The following WWOX variants were observed in gnomAD, a reference collection of about 807,000 sequenced individuals.
WWOX encodes WW domain containing oxidoreductase.
A neutral mutation model predicts 46.2 loss-of-function variants in WWOX; 69 were observed. The ratio of observed to expected loss-of-function variants is 1.49; its 90% CI spans 1.23 to 1.82. The LOEUF (loss-of-function observed/expected upper bound fraction) is 1.82, where lower values mean the gene tolerates loss of function less well. WWOX is among the 40% of genes most tolerant of loss of function. The probability of loss-of-function intolerance (pLI) is 0.00; values close to 1 mark genes in which losing one functional copy is unlikely to be tolerated. For missense variants in WWOX, 919 were observed against 542.6 expected, an observed-to-expected ratio of 1.69 and a Z score of -6.89; for synonymous variants, 359 against 202.6, an observed-to-expected ratio of 1.77 and a Z score of -6.56.
rs146217579 is a variant in WWOX, at chr16:78,713,904, C to T, written c.1056+281152C>T. Among the ~76,000 whole-genome samples, 711 of 152,294 alleles carry T rather than the reference C, an allele frequency of 4.7e-3. 2 individuals carry two copies. The highest frequency in any genetic ancestry group is 6.8e-3 in the Middle Eastern group (2 of 294). On this transcript the variant is annotated intron_variant, in intron 8 of 8. Coordinates refer to ENST00000566780, the MANE Select transcript of WWOX (RefSeq NM_016373.4). ...ATGATTTGGGGTGATGGAACAGAAA[C>T]ACCCGAGGACTGTCGTTGGGGAACA...
At chr16:78,718,220 AAAC>A (rs932479977) in intron 8 of WWOX, among the ~76,000 whole-genome samples, 9 of 151,890 alleles carry the variant, frequency 5.9e-5, no homozygotes, top group African/African-American at 2.2e-4. Context: ...GCACATTTGT[AAAC>A]AATTATGTAG....
At chr16:78,997,507 T>C (rs76403357) in intron 8 of WWOX, among the ~76,000 whole-genome samples, 3,631 of 152,312 alleles carry the variant, frequency 0.024, 161 homozygotes, top group African/African-American at 0.084. Flanking sequence ...ATTTTATTTT[T>C]ACACTTTCAT....
chr16:78,762,390 G>C (rs1165825586), intron 8 of WWOX, among the ~76,000 whole-genome samples: 4 of 152,158 alleles, frequency 2.6e-5, no homozygotes, highest in Non-Finnish European at 5.9e-5. Flanking sequence ...AGAGTCTCTT[G>C]GTGACTCGTG....
At chr16:78,964,227 C>T (rs148122822) in intron 8 of WWOX, among the ~76,000 whole-genome samples, 347 of 152,194 alleles carry the variant, frequency 2.3e-3, no homozygotes, top group African/African-American at 8.0e-3. Context: ...GTTGGGAGGT[C>T]TCAGAAGAAG....
At chr16:78,284,715 C>T (rs988241875) in intron 5 of WWOX, among the ~76,000 whole-genome samples, 1 of 152,118 alleles carries the variant, frequency 6.6e-6, no homozygotes, top group Non-Finnish European at 1.5e-5. Context: ...TCTCTTTAAC[C>T]AAGTCCTTTG....
At chr16:78,404,896 C>G (rs886772093) in intron 6 of WWOX, among the ~76,000 whole-genome samples, 1 of 152,184 alleles carries the variant, frequency 6.6e-6, no homozygotes, top group African/African-American at 2.4e-5. Context: ...AACTGTAACA[C>G]CAAGGAATGA....
In WWOX at chr16:78,380,594, T is replaced by C. The variant is rs564824863; in HGVS notation, c.517-6266T>C. Among the ~76,000 whole-genome samples the C allele has an allele frequency of 3.3e-5, 5 of 152,254 alleles. No individual in the cohort carries two copies. In the East Asian group the frequency reaches 5.8e-4, roughly 18 times the overall value. ...ATTCAGCGGTGACCACCACATCTTATGCATTGTGATGATCACGATGATAAA... is the reference window on the plus strand; with the variant it reads ...ATTCAGCGGTGACCACCACATCTTACGCATTGTGATGATCACGATGATAAA... On this transcript the variant is annotated intron_variant, in intron 5 of 8. Coordinates refer to ENST00000566780, the MANE Select transcript of WWOX (RefSeq NM_016373.4).
intron 8 of WWOX, among the ~76,000 whole-genome samples, chr16:78,566,625 C>G (rs2044575419): frequency 6.6e-6 from 1 of 152,196 alleles, no homozygotes; most frequent in South Asian, 2.1e-4. Context: ...CCTCCCAAGA[C>G]TGTGCAGAGC....
intron 8 of WWOX, among the ~76,000 whole-genome samples, chr16:78,581,785 A>G (rs2045061942): frequency 6.6e-6 from 1 of 152,192 alleles, no homozygotes; most frequent in Non-Finnish European, 1.5e-5. Flanking sequence ...ACAGGACTTA[A>G]TACAAAAGTT....
chr16:78,295,599 T>A (rs1282535104), intron 5 of WWOX, among the ~76,000 whole-genome samples: 1 of 152,158 alleles, frequency 6.6e-6, no homozygotes, highest in Non-Finnish European at 1.5e-5. Context: ...TAATCTCAGC[T>A]ACTCAGGAGG....
chr16:78,787,304 T>C (rs911305267), intron 8 of WWOX, among the ~76,000 whole-genome samples: 1 of 152,126 alleles, frequency 6.6e-6, no homozygotes, highest in African/African-American at 2.4e-5. Flanking sequence ...AAACACCATA[T>C]CCATTAAGTG....
intron 8 of WWOX, among the ~76,000 whole-genome samples, chr16:78,571,997 G>C (rs1003635890): frequency 4.6e-5 from 7 of 152,152 alleles, no homozygotes; most frequent in African/African-American, 1.7e-4. Flanking sequence ...ATGCATTACT[G>C]AACTGAAACA....
intron 8 of WWOX, 61 bp downstream of exon 8, chr16:78,432,813 T>G (rs965336703): frequency 2.5e-6 from 4 of 1,612,222 alleles, no homozygotes; most frequent in Middle Eastern, 1.7e-4. Context: ...TGCACACTTG[T>G]GTCTCCACCT....
rs139246036 is a variant in WWOX, at chr16:78,408,718, C to T, written c.606-16152C>T. Among the ~76,000 whole-genome samples, 229 of 152,260 alleles carry T rather than the reference C, an allele frequency of 1.5e-3. 1 individual carries two copies. Among genetic ancestry groups the T allele is most frequent in the Middle Eastern group, 6.8e-3 (2 of 294 alleles). ...GCAAGAAGTTTTGAAGAGGGAGATA[C>T]AGCTAATTTGCAGATAAAGAGCAAG... On this transcript the variant is annotated intron_variant, in intron 6 of 8. Coordinates refer to ENST00000566780, the MANE Select transcript of WWOX (RefSeq NM_016373.4).
intron 8 of WWOX, among the ~76,000 whole-genome samples, chr16:78,907,169 G>A (rs1019303527): frequency 6.6e-6 from 1 of 152,260 alleles, no homozygotes; most frequent in South Asian, 2.1e-4. Flanking sequence ...GGGTACTGCT[G>A]ATGGGCTGTG....
chr16:78,544,545 A>T (rs2043976259), intron 8 of WWOX, among the ~76,000 whole-genome samples: 1 of 152,196 alleles, frequency 6.6e-6, no homozygotes, highest in African/African-American at 2.4e-5. Flanking sequence ...CATCAAAGCC[A>T]TTTTTTAACT....
intron 8 of WWOX, among the ~76,000 whole-genome samples, chr16:78,978,692 G>A (rs1597231147): frequency 6.6e-6 from 1 of 152,178 alleles, no homozygotes; most frequent in Non-Finnish European, 1.5e-5. Flanking sequence ...CGCCAGAGCA[G>A]GAGCAACAGA....
intron 6 of WWOX, among the ~76,000 whole-genome samples, chr16:78,390,710 G>C (rs1048948167): frequency 6.6e-6 from 1 of 152,160 alleles, no homozygotes; most frequent in Non-Finnish European, 1.5e-5. Context: ...TTAAGTGCTG[G>C]TGACTAGGCT....
chr16:78,905,278 G>A (rs1013479661), intron 8 of WWOX, among the ~76,000 whole-genome samples: 7 of 152,176 alleles, frequency 4.6e-5, no homozygotes, highest in African/African-American at 1.7e-4. Flanking sequence ...TGTATATTGA[G>A]CCCACACATA....
Sources: gnomAD v4.1 joint callset for allele counts (sites outside exome capture counted in the v4.1 genomes callset) on GRCh38, gnomAD v4.1.1 for gene constraint, MANE v1.5 for transcripts, NCBI Gene and HGNC (gene_info 2026-07-23, HGNC 2026-07-21) for gene names.